The following RELN variants were observed in gnomAD, a reference collection of about 807,000 sequenced individuals.
The protein encoded by RELN is reelin.
Under a neutral mutation model 427.6 loss-of-function variants are expected in RELN, and 108 were observed. That is an observed-to-expected ratio of 0.25 (90% CI 0.22 to 0.30). The LOEUF (loss-of-function observed/expected upper bound fraction) is 0.30. RELN is among the 10% of genes least tolerant of loss of function. The pLI, the probability that RELN is intolerant of heterozygous loss-of-function variation, is 1.00. For synonymous variants in RELN, 1,524 were observed against 1,513.4 expected, an observed-to-expected ratio of 1.01 and a Z score of -0.16; for missense variants, 3,715 against 4,302.8, an observed-to-expected ratio of 0.86 and a Z score of 3.82.
chr7:103,863,331 G>T (rs764058728), intron 2 of RELN, among the ~76,000 whole-genome samples: 1 of 152,034 alleles, frequency 6.6e-6, no homozygotes, highest in Non-Finnish European at 1.5e-5. Context: ...AGCTGGAAAG[G>T]GCCCTGGAAG....
chr7:103,870,026 T>A (rs1323935677), intron 2 of RELN, among the ~76,000 whole-genome samples: 1 of 152,120 alleles, frequency 6.6e-6, no homozygotes, highest in Non-Finnish European at 1.5e-5. Context: ...TTTAAGATCA[T>A]CCAATGAACC....
intron 4 of RELN, among the ~76,000 whole-genome samples, chr7:103,770,373 C>T (rs10252399): frequency 0.049 from 7,400 of 152,262 alleles, 621 homozygotes; most frequent in African/African-American, 0.17. Flanking sequence ...CATGAGCCAC[C>T]GCGCCCCGCC....
chr7:103,709,680 G>A (rs1789745229), intron 8 of RELN, among the ~76,000 whole-genome samples: 1 of 152,102 alleles, frequency 6.6e-6, no homozygotes, highest in Non-Finnish European at 1.5e-5. Context: ...TTTTCCCTCT[G>A]CCCATTTATA....
chr7:103,815,698 G>A (rs1206755438), intron 3 of RELN, among the ~76,000 whole-genome samples: 4 of 152,122 alleles, frequency 2.6e-5, no homozygotes, highest in Non-Finnish European at 4.4e-5. Flanking sequence ...CCCTTTTTAA[G>A]ACAAATGTCT....
In RELN at chr7:103,636,351, G is replaced by T; in HGVS notation, c.2187C>A (p.Ile729=). The change falls in exon 18 of 65, where the codon ATC becomes ATA. Residue 729 remains isoleucine (I), a synonymous_variant. Coordinates refer to ENST00000428762, the MANE Select transcript of RELN (RefSeq NM_005045.4). Reference sequence around the variant, plus strand: ...AACCAAAGCTGACTTCAGCACCACGGATAGAGTAAAAGTTATGGTAAGAGG... The same window carrying T: ...AACCAAAGCTGACTTCAGCACCACGTATAGAGTAAAAGTTATGGTAAGAGG... ...RLSSYHNFYS[I]RGAEVSFGCG... is the part of the protein sequence containing the mutation. The T allele has an allele frequency of 6.2e-7, 1 of 1,613,894 alleles. No individual in the cohort carries two copies. The highest frequency in any genetic ancestry group is 1.3e-5 in the African/African-American group (1 of 75,040).
At chr7:103,592,030 T>C (rs1037320596) in intron 27 of RELN, among the ~76,000 whole-genome samples, 7 of 152,190 alleles carry the variant, frequency 4.6e-5, no homozygotes, top group Non-Finnish European at 1.0e-4. Context: ...TCGTATTCAC[T>C]GTGTAGACCT....
chr7:103,744,418 C>T (rs1483358876), intron 6 of RELN, among the ~76,000 whole-genome samples: 1 of 151,932 alleles, frequency 6.6e-6, no homozygotes. Context: ...AAAATCAGAG[C>T]AGAACGGAAG....
chr7:103,632,879 A>G (rs533140483), intron 19 of RELN, among the ~76,000 whole-genome samples: 4 of 152,324 alleles, frequency 2.6e-5, no homozygotes, highest in African/African-American at 9.6e-5. Flanking sequence ...ATTAAATATA[A>G]TAATCAAGAC....
Position 103,917,193 on chromosome 7 carries a change from G to T in RELN, c.227-8C>A, listed in dbSNP as rs762605069. On this transcript the variant is annotated splice_polypyrimidine_tract_variant and splice_region_variant and intron_variant, in intron 1 of 64. Coordinates refer to ENST00000428762, the MANE Select transcript of RELN (RefSeq NM_005045.4). ...TGCTTGTTGAAATTGTCACTGAAAT[G>T]TAAGAAAGAAAAAAAAAACTCTCAA... The T allele has an allele frequency of 6.3e-7, 1 of 1,599,362 alleles. No individual in the cohort carries two copies. Among genetic ancestry groups the T allele is most frequent in the Non-Finnish European group, 8.6e-7 (1 of 1,167,266 alleles).
intron 2 of RELN, among the ~76,000 whole-genome samples, chr7:103,855,941 G>T (rs1474062788): frequency 1.3e-5 from 2 of 152,090 alleles, no homozygotes; most frequent in Admixed American, 1.3e-4. Flanking sequence ...TGAAGTACTA[G>T]GGGTCAGGAC....
chr7:103,971,767 A>T (rs2116818959), intron 1 of RELN, among the ~76,000 whole-genome samples: 1 of 152,336 alleles, frequency 6.6e-6, no homozygotes, highest in East Asian at 1.9e-4. Flanking sequence ...AATAAATAAT[A>T]AAAATAAACT....
chr7:103,743,748 C>T (rs1050362930), intron 6 of RELN, among the ~76,000 whole-genome samples: 1 of 152,118 alleles, frequency 6.6e-6, no homozygotes, highest in African/African-American at 2.4e-5. Context: ...TACAGGAGCA[C>T]CCAGATTCAT....
intron 3 of RELN, among the ~76,000 whole-genome samples, chr7:103,790,193 G>C (rs963158230): frequency 3.9e-5 from 6 of 152,050 alleles, no homozygotes; most frequent in Non-Finnish European, 8.8e-5. Context: ...GTGGGGGCGG[G>C]GACAAGGGGA....
chr7:103,775,728 G>A (rs1274123357), intron 4 of RELN, among the ~76,000 whole-genome samples: 1 of 152,148 alleles, frequency 6.6e-6, no homozygotes, highest in Non-Finnish European at 1.5e-5. Context: ...CTGAAATCAA[G>A]GAATATATGT....
At chr7:103,788,059 C>A (rs1045598082) in intron 3 of RELN, among the ~76,000 whole-genome samples, 12 of 151,848 alleles carry the variant, frequency 7.9e-5, no homozygotes, top group African/African-American at 2.9e-4. Flanking sequence ...TAATCCATCA[C>A]ATAAACAGAA....
chr7:103,976,134 T>A (rs553934641), intron 1 of RELN, among the ~76,000 whole-genome samples: 1 of 152,156 alleles, frequency 6.6e-6, no homozygotes, highest in East Asian at 1.9e-4. Context: ...CCATGCTGAA[T>A]ATGTTATCTT....
intron 4 of RELN, among the ~76,000 whole-genome samples, chr7:103,762,037 T>G (rs746419941): frequency 4.6e-5 from 7 of 151,948 alleles, no homozygotes; most frequent in Admixed American, 1.3e-4. Flanking sequence ...CCAATGTCTA[T>G]TCTTCTTTTC....
intron 20 of RELN, among the ~76,000 whole-genome samples, chr7:103,624,695 T>C (rs927093894): frequency 3.3e-5 from 5 of 152,360 alleles, no homozygotes; most frequent in East Asian, 1.9e-4. Context: ...CCCATTGGGA[T>C]GACAGGTGTG....
At chr7:103,777,998 C>T (rs1791788931) in intron 3 of RELN, among the ~76,000 whole-genome samples, 1 of 151,908 alleles carries the variant, frequency 6.6e-6, no homozygotes. Flanking sequence ...CAACTCACAC[C>T]ATATGTGAAG....
Sources: allele counts gnomAD v4.1 joint callset (sites outside exome capture counted in the v4.1 genomes callset), GRCh38; gene constraint gnomAD v4.1.1; transcripts MANE v1.5; gene names NCBI Gene and HGNC (gene_info 2026-07-23, HGNC 2026-07-21).